The following ZNF383 variants were observed in gnomAD, a reference collection of about 807,000 sequenced individuals.
ZNF383 encodes zinc finger protein 383.
A neutral mutation model predicts 44.2 loss-of-function variants in ZNF383; 32 were observed. The ratio of observed to expected loss-of-function variants is 0.72; its 90% confidence interval spans 0.55 to 0.97. ZNF383 has a LOEUF of 0.97. Ranked by LOEUF, ZNF383 falls within the 50% of genes least tolerant of loss-of-function variation. The probability of loss-of-function intolerance (pLI) is 0.00; values close to 1 mark genes in which losing one functional copy is unlikely to be tolerated. For synonymous variants in ZNF383, 155 were observed against 186.2 expected (o/e 0.83, Z 1.36); for missense variants, 487 against 562.5 (o/e 0.87, Z 1.36).
At chr19:37,240,209 A>T (rs1781648726) in intron 5 of ZNF383, among the ~76,000 whole-genome samples, 1 of 151,838 alleles carries the variant, frequency 6.6e-6, no homozygotes, top group Non-Finnish European at 1.5e-5. Flanking sequence ...GAGGAGAAAG[A>T]TTGTGTTGGA....
intron 5 of ZNF383, among the ~76,000 whole-genome samples, chr19:37,240,734 A>G (rs1974043105): frequency 6.6e-6 from 1 of 152,168 alleles, no homozygotes; most frequent in Admixed American, 6.6e-5. Context: ...TTACACACCT[A>G]CATCAAATTA....
rs1223869496 is a variant in ZNF383 at position 37,246,484 on chromosome 19, T to G, written c.*2820T>G. Reference sequence around the variant, plus strand: ...TTTTATGCTACATAAAGAATACCAGTCTGAGGCTGGGCGCGGTGGCTCACA... The same window carrying G: ...TTTTATGCTACATAAAGAATACCAGGCTGAGGCTGGGCGCGGTGGCTCACA... On this transcript the variant is annotated 3_prime_UTR_variant, in exon 6 of 6. Transcript: ENST00000684119. 1 of 152,048 alleles carries G rather than the reference T, an allele frequency of 6.6e-6. No individual in the cohort carries two copies. Among genetic ancestry groups the G allele is most frequent in the African/African-American group, 2.4e-5 (1 of 41,370 alleles). The allele number at this position is 152,048 out of a possible 1,614,324, so 9.4% of individuals were successfully genotyped here. A position where few individuals can be genotyped will look rare whatever the true frequency, so the allele number is the denominator to read the frequency against.
At chr19:37,235,324 G>A (rs893089929) in intron 3 of ZNF383, among the ~76,000 whole-genome samples, 10 of 151,314 alleles carry the variant, frequency 6.6e-5, no homozygotes, top group African/African-American at 2.4e-4. Context: ...AGGGATGCTC[G>A]TTGCTACTGG....
intron 2 of ZNF383, among the ~76,000 whole-genome samples, chr19:37,229,827 A>G (rs561680207): frequency 4.1e-5 from 6 of 147,168 alleles, no homozygotes; most frequent in East Asian, 2.0e-4. Flanking sequence ...TCAATAAAAC[A>G]GAGCTAGAAG....
rs1205209151 is a variant in ZNF383 at position 37,248,534 on chromosome 19, C to T, written c.*4870C>T. The stretch of plus-strand genomic sequence containing the variant: ...AAGATTGTATTTCTTAGTGTCTGAA[C>T]TCAGGAACCAAATAGATGTGGATAG... On this transcript the variant is annotated 3_prime_UTR_variant, in exon 6 of 6. Transcript: ENST00000684119. The T allele has an allele frequency of 6.6e-6, 1 of 152,064 alleles. No homozygotes were observed. Among genetic ancestry groups the T allele is most frequent in the African/African-American group, 2.4e-5 (1 of 41,412 alleles). 9.4% of individuals were successfully genotyped at this position (152,064 alleles called of 1,614,324 possible).
At position 37,235,260 on chromosome 19, in the gene ZNF383, C is replaced by T. The variant is rs376817318; in HGVS notation, c.10-289C>T. Among the ~76,000 whole-genome samples the T allele has an allele frequency of 2.0e-5, 3 of 147,192 alleles. No homozygotes were observed. The South Asian group carries it at 6.5e-4, about 32-fold the overall frequency. On this transcript the variant is annotated intron_variant, in intron 3 of 5. Transcript: ENST00000684119. ...TGCACTCTAGTCTGGGTGACAAAAG[C>T]GAATTTCTGTCTCAAAAAAAAAAAA... is the stretch of plus-strand genomic sequence containing the variant.
At chr19:37,234,012 G>T (rs1973642133) in intron 3 of ZNF383, among the ~76,000 whole-genome samples, 1 of 151,980 alleles carries the variant, frequency 6.6e-6, no homozygotes, top group Non-Finnish European at 1.5e-5. Flanking sequence ...TTACAGGCAT[G>T]TGTCACCACG....
chr19:37,240,720 C>G (rs1239759002), intron 5 of ZNF383, among the ~76,000 whole-genome samples: 1 of 152,216 alleles, frequency 6.6e-6, no homozygotes, highest in Non-Finnish European at 1.5e-5. Context: ...TTCCTATCTG[C>G]CACTTACACA....
Position 37,235,889 on chromosome 19 carries a change from C to G in ZNF383, c.137-90C>G, listed in dbSNP as rs1973765453. 2.3e-6 allele frequency: 3 copies of G among 1,283,766 alleles called. No homozygotes were observed. In the Admixed American group the frequency reaches 6.7e-5, roughly 29 times the overall value. 79.5% of individuals were successfully genotyped at this position (1,283,766 alleles called of 1,614,324 possible). A position where few individuals can be genotyped will look rare whatever the true frequency, so the allele number is the denominator to read the frequency against. On this transcript the variant is annotated intron_variant, in intron 4 of 5. Coordinates refer to ENST00000684119, the MANE Select transcript of ZNF383 (RefSeq NM_001387601.1). ...CATCTTCATCTTTCTTTGGCTGTTCCTGTAGTGGCATCTCTTCCTGTGATC... is the reference window on the plus strand; with the variant it reads ...CATCTTCATCTTTCTTTGGCTGTTCGTGTAGTGGCATCTCTTCCTGTGATC...
chr19:37,242,662 A>G lies in ZNF383; in HGVS notation c.426A>G (p.Ile142Met), dbSNP rs1248533465. ...CAAATGGGCATTTTAGTCAAGAAAT[A>G]TTCACTCCTGAATACATGCCCACAT... ...GYPNGHFSQE[I>M]FTPEYMPTFI... Residue 142 changes from isoleucine (I) to methionine (M), a missense_variant, in exon 6 of 6, where the codon ATA becomes ATG. Coordinates refer to ENST00000684119, the MANE Select transcript of ZNF383 (RefSeq NM_001387601.1). 1 of 1,614,104 alleles carries G rather than the reference A, an allele frequency of 6.2e-7. No individual in the cohort carries two copies. The highest frequency in any genetic ancestry group is 1.1e-5 in the South Asian group (1 of 91,088).
intron 1 of ZNF383, among the ~76,000 whole-genome samples, chr19:37,224,005 G>T (rs1599780902): frequency 6.6e-6 from 1 of 151,944 alleles, no homozygotes; most frequent in East Asian, 1.9e-4. Context: ...CTGCACTCCA[G>T]CCTGGGCGGC....
intron 1 of ZNF383, among the ~76,000 whole-genome samples, chr19:37,222,977 A>C (rs1336437669): frequency 2.6e-5 from 4 of 152,244 alleles, no homozygotes; most frequent in Admixed American, 2.6e-4. Context: ...CTAGAGATAA[A>C]GAGGAATAGT....
chr19:37,239,686 C>G (rs577288671), intron 5 of ZNF383, among the ~76,000 whole-genome samples: 1 of 152,220 alleles, frequency 6.6e-6, no homozygotes, highest in South Asian at 2.1e-4. Context: ...AAACCTAAGC[C>G]AAATGATACT....
intron 3 of ZNF383, among the ~76,000 whole-genome samples, chr19:37,232,068 A>G (rs1304376002): frequency 6.6e-6 from 1 of 151,914 alleles, no homozygotes; most frequent in Non-Finnish European, 1.5e-5. Flanking sequence ...TTTTTCCTCA[A>G]AAAGGTTTTT....
intron 5 of ZNF383, among the ~76,000 whole-genome samples, chr19:37,236,529 A>G (rs1356235553): frequency 6.6e-6 from 1 of 151,012 alleles, no homozygotes; most frequent in Non-Finnish European, 1.5e-5. Flanking sequence ...CTGGGACCGT[A>G]GGCCTGTGCC....
At chr19:37,235,419 A>C (rs752208506) in intron 3 of ZNF383, 130 bp from the exon 4 acceptor site, 92 of 877,496 alleles carry the variant, frequency 1.0e-4, no homozygotes, top group Non-Finnish European at 1.4e-4. Context: ...TCTATTTCTG[A>C]AATCTAAAGA....
At chr19:37,236,274 C>A (rs1040127504) in intron 5 of ZNF383, among the ~76,000 whole-genome samples, 200 bp downstream of exon 5, 2 of 151,896 alleles carry the variant, frequency 1.3e-5, no homozygotes, top group African/African-American at 2.4e-5. Flanking sequence ...TTCTACTACT[C>A]CTCTCCAATC....
rs746601938 is a variant in ZNF383 at position 37,242,767 on chromosome 19, G to C, written c.531G>C (p.Lys177Asn). ...DRPYECKKCG[K>N]AFSQNSQFIQ... The stretch of plus-strand genomic sequence containing the variant: ...CCTATGAATGTAAGAAATGTGGAAA[G>C]GCCTTTAGTCAGAACTCACAATTTA... The change falls in exon 6 of 6, where the codon AAG becomes AAC. Residue 177 changes from lysine (K) to asparagine (N), a missense_variant. Coordinates refer to ENST00000684119, the MANE Select transcript of ZNF383 (RefSeq NM_001387601.1). 6.2e-6 allele frequency: 10 copies of C among 1,613,980 alleles called. No individual in the cohort carries two copies. The highest frequency in any genetic ancestry group is 8.5e-6 in the Non-Finnish European group (10 of 1,180,000).
At chr19:37,232,775 G>A (rs940927768) in intron 3 of ZNF383, among the ~76,000 whole-genome samples, 11 of 152,272 alleles carry the variant, frequency 7.2e-5, no homozygotes, top group African/African-American at 2.4e-4. Context: ...TCCAAATAAT[G>A]AGTTGGCTTC....
Sources: gnomAD v4.1 joint callset for allele counts (sites outside exome capture counted in the v4.1 genomes callset) on GRCh38, gnomAD v4.1.1 for gene constraint, MANE v1.5 for transcripts, NCBI Gene and HGNC (gene_info 2026-07-23, HGNC 2026-07-21) for gene names.